MYT1L: variants seen among roughly 807,000 people sequenced by gnomAD.
MYT1L encodes the protein myelin transcription factor 1 like.
A neutral mutation model predicts 126.7 loss-of-function variants in MYT1L; 12 were observed. The observed-to-expected ratio is 0.09, with a 90% CI of 0.06 to 0.15. MYT1L has a LOEUF of 0.15. Ranked by LOEUF, MYT1L falls within the 10% of genes least tolerant of loss-of-function variation. The pLI is 1.00. For synonymous variants in MYT1L, 541 were observed against 604.2 expected (o/e 0.90, Z 1.53); for missense variants, 979 against 1,585.2 (o/e 0.62, Z 6.49).
At chr2:2,143,016 C>T (rs542500478) in intron 3 of MYT1L, among the ~76,000 whole-genome samples, 2 of 149,262 alleles carry the variant, frequency 1.3e-5, no homozygotes, top group Non-Finnish European at 3.0e-5. Flanking sequence ...GTAGGCTGGG[C>T]GCGGTGGCTC....
chr2:2,052,185 T>A (rs1384366896), intron 4 of MYT1L, among the ~76,000 whole-genome samples: 2 of 152,144 alleles, frequency 1.3e-5, no homozygotes, highest in Non-Finnish European at 2.9e-5. Flanking sequence ...GCCATAACCA[T>A]TTATTGGAGC....
intron 11 of MYT1L, among the ~76,000 whole-genome samples, chr2:1,914,497 T>G (rs886517956): frequency 3.9e-5 from 6 of 151,994 alleles, no homozygotes; most frequent in African/African-American, 1.4e-4. Context: ...CACCATCAGT[T>G]TCCACGAATG....
Position 1,943,846 on chromosome 2 carries a change from T to G in MYT1L, c.153-512A>C, listed in dbSNP as rs1203685967. Among the ~76,000 whole-genome samples the G allele has an allele frequency of 6.6e-6, 1 of 152,210 alleles. No homozygotes were observed. The highest frequency in any genetic ancestry group is 1.5e-5 in the Non-Finnish European group (1 of 68,046). ...TGTATATTTTATGGATTAAATTATA[T>G]CTTTAGACTTGATAACCTCCTGAAA... On this transcript the variant is annotated intron_variant, in intron 8 of 24. Coordinates refer to ENST00000647738, the MANE Select transcript of MYT1L (RefSeq NM_001303052.2). This position sits in a 1 kb window ranked among gnomAD's most constrained non-coding sequence, Gnocchi z 4.4.
At position 1,993,335 on chromosome 2, in the gene MYT1L, C is replaced by T. The variant is rs540375312; in HGVS notation, c.-1+3856G>A. On this transcript the variant is annotated intron_variant, in intron 5 of 24. Coordinates refer to ENST00000647738, the MANE Select transcript of MYT1L (RefSeq NM_001303052.2). Reference sequence around the variant, plus strand: ...GCAGCCGCTGCTGTCTCTCTTCCCACAGCCAATTTTCTTACTGGAGGAAAC... The same window carrying T: ...GCAGCCGCTGCTGTCTCTCTTCCCATAGCCAATTTTCTTACTGGAGGAAAC... Among the ~76,000 whole-genome samples, 16 of 152,334 alleles carry T rather than the reference C, an allele frequency of 1.1e-4. No homozygotes were observed. In the East Asian group the frequency reaches 2.5e-3, roughly 24 times the overall value.
At chr2:2,073,169 A>ACACAATG (rs1236054274) in intron 3 of MYT1L, among the ~76,000 whole-genome samples, 1 of 152,124 alleles carries the variant, frequency 6.6e-6, no homozygotes, top group African/African-American at 2.4e-5. Context: ...TAACATAAGG[A>ACACAATG]TTTTTAGAGG....
intron 2 of MYT1L, among the ~76,000 whole-genome samples, chr2:2,275,202 ATGTGTGTGTGTGTGTGTG>A (rs10522538): frequency 1.1e-4 from 16 of 139,548 alleles, no homozygotes; most frequent in South Asian, 2.5e-4. Context: ...TAATAATAAA[ATGTGTGTGTGTGTGTGTG>A]TGTGTGTGTG....
intron 2 of MYT1L, among the ~76,000 whole-genome samples, chr2:2,192,193 T>C (rs909867178): frequency 3.3e-5 from 5 of 152,238 alleles, no homozygotes; most frequent in African/African-American, 9.6e-5. Flanking sequence ...AATCATCTTA[T>C]ACACTGTAAA....
intron 1 of MYT1L, among the ~76,000 whole-genome samples, chr2:2,295,502 T>A (rs2095657367): frequency 1.4e-5 from 2 of 144,156 alleles, no homozygotes; most frequent in Admixed American, 7.1e-5. Flanking sequence ...ATGTGGAGAG[T>A]GTGGGGGTGG....
At position 2,054,014 on chromosome 2, in the gene MYT1L, G is replaced by A. The variant is rs1347564386; in HGVS notation, c.-194C>T. 6.5e-6 allele frequency: 1 copy of A among 152,674 alleles called. No homozygotes were observed. Among genetic ancestry groups the A allele is most frequent in the African/African-American group, 2.4e-5 (1 of 41,468 alleles). The allele number at this position is 152,674 out of a possible 1,614,324, so 9.5% of individuals were successfully genotyped here. A position where few individuals can be genotyped will look rare whatever the true frequency, so the allele number is the denominator to read the frequency against. On this transcript the variant is annotated 5_prime_UTR_variant, in exon 4 of 25. Transcript: ENST00000647738. ...TCCTCGGATATCCATACGTCTGTGA[G>A]ACCAACTGGAACCTTTCTTGATGGA...
intron 2 of MYT1L, among the ~76,000 whole-genome samples, chr2:2,222,102 T>C (rs1263124574): frequency 2.6e-5 from 4 of 152,204 alleles, no homozygotes; most frequent in Non-Finnish European, 5.9e-5. Context: ...ATTTTTTCTT[T>C]TGTACTTCAA....
At chr2:2,240,897 T>C (rs988543458) in intron 2 of MYT1L, among the ~76,000 whole-genome samples, 9 of 152,184 alleles carry the variant, frequency 5.9e-5, no homozygotes, top group African/African-American at 2.2e-4. Context: ...TCAAAAGTCA[T>C]GTTGTTCAGA....
At chr2:2,022,498 T>C (rs2065135504) in intron 4 of MYT1L, among the ~76,000 whole-genome samples, 1 of 152,124 alleles carries the variant, frequency 6.6e-6, no homozygotes, top group African/African-American at 2.4e-5. Flanking sequence ...GATACAAGTA[T>C]TGAGAGAGAT....
rs183052581 is a variant in MYT1L at position 2,155,530 on chromosome 2, T to C, written c.-304+17342A>G. On this transcript the variant is annotated intron_variant, in intron 3 of 24. Transcript: ENST00000647738. ...CTCAGCACAATCCTTCGTTTATTCA[T>C]GAAGTCAAACTTGTTCAAACCAGTG... Among the ~76,000 whole-genome samples, 282 of 152,348 alleles carry C rather than the reference T, an allele frequency of 1.9e-3. 1 individual carries two copies. The highest frequency in any genetic ancestry group is 2.1e-4 in the Non-Finnish European group (14 of 68,042).
rs369222746 is a variant in MYT1L, at chr2:2,115,684, C to T, written c.-304+57188G>A. 3.0e-4 allele frequency among the ~76,000 whole-genome samples: 46 copies of T among 152,366 alleles called. No individual in the cohort carries two copies. In the East Asian group the frequency reaches 6.4e-3, roughly 21 times the overall value. ...GTGAGATGCCCCTGCCTTTCTGTGG[C>T]TCGGTCTTGTGCGGCATCTAGACTA... On this transcript the variant is annotated intron_variant, in intron 3 of 24. Coordinates refer to ENST00000647738, the MANE Select transcript of MYT1L (RefSeq NM_001303052.2).
chr2:1,803,345 G>A (rs1013995734), intron 22 of MYT1L, among the ~76,000 whole-genome samples: 7 of 152,102 alleles, frequency 4.6e-5, no homozygotes, highest in Non-Finnish European at 1.0e-4. Context: ...GTGAAGCTTC[G>A]ACCCTCTACA....
chr2:2,309,914 G>A (rs758822528), intron 1 of MYT1L, among the ~76,000 whole-genome samples: 64 of 151,464 alleles, frequency 4.2e-4, no homozygotes, highest in Non-Finnish European at 7.7e-4. Flanking sequence ...TTACACTTCA[G>A]TATACTGTAT....
chr2:1,915,224 C>G (rs1312496865), intron 11 of MYT1L, among the ~76,000 whole-genome samples: 1 of 152,194 alleles, frequency 6.6e-6, no homozygotes, highest in Non-Finnish European at 1.5e-5. Flanking sequence ...AAATTAAAAG[C>G]CTTCTATGGA....
At chr2:1,842,883 G>GGTT (rs2041961925) in intron 19 of MYT1L, 1 of 140,318 alleles carries the variant, frequency 7.1e-6, no homozygotes, top group East Asian at 2.1e-4. Flanking sequence ...GCTTCCAGGC[G>GGTT]CTTCCGCTTC....
intron 1 of MYT1L, among the ~76,000 whole-genome samples, chr2:2,315,900 TATAC>T (rs2096057607): frequency 6.6e-6 from 1 of 152,260 alleles, no homozygotes; most frequent in Admixed American, 6.5e-5. Context: ...CCATTCATTC[TATAC>T]ATAGTTACCT....
Sources: gnomAD v4.1 joint callset for allele counts (sites outside exome capture counted in the v4.1 genomes callset) on GRCh38, gnomAD v4.1.1 for gene constraint, Gnocchi (gnomAD v3.1) non-coding constraint, MANE v1.5 for transcripts, NCBI Gene and HGNC (gene_info 2026-07-23, HGNC 2026-07-21) for gene names.